The following SCN3A variants were observed in gnomAD, a reference collection of about 807,000 sequenced individuals.
SCN3A encodes the protein sodium channel protein type 3 subunit alpha.
A neutral mutation model predicts 187.6 loss-of-function variants in SCN3A; 60 were observed. That is an observed-to-expected ratio of 0.32 (90% CI 0.26 to 0.40). The LOEUF is 0.40. Among genes scored for constraint, SCN3A ranks in the 10% least tolerant of loss-of-function variants. The pLI is 1.00. For synonymous variants in SCN3A, 788 were observed against 829.2 expected, an observed-to-expected ratio of 0.95 and a Z score of 0.85; for missense variants, 1,601 against 2,428.2, an observed-to-expected ratio of 0.66 and a Z score of 7.16.
intron 21 of SCN3A, among the ~76,000 whole-genome samples, chr2:165,106,451 T>C (rs1685864121): frequency 6.6e-6 from 1 of 152,192 alleles, no homozygotes; most frequent in Non-Finnish European, 1.5e-5. Context: ...CATAATTACT[T>C]CTGTTTATGA....
intron 18 of SCN3A, among the ~76,000 whole-genome samples, chr2:165,126,445 TTC>T (rs760623911): frequency 4.0e-5 from 6 of 151,402 alleles, no homozygotes; most frequent in Non-Finnish European, 8.9e-5. Context: ...CTTCCTTTCT[TTC>T]TCTTTTTCTT....
rs1014446053 is a variant in SCN3A at position 165,178,427 on chromosome 2, G to T, written c.-50-1983C>A. ...TCTTTGTAGAGATGAGGTTTCAGTC[G>T]CCATTTTGCCCAGGCTGATCTCAAA... On this transcript the variant is annotated intron_variant, in intron 2 of 27. Transcript: ENST00000283254. Among the ~76,000 whole-genome samples the T allele has an allele frequency of 3.9e-5, 6 of 151,952 alleles. No homozygotes were observed. The East Asian group carries it at 9.7e-4, about 25-fold the overall frequency.
chr2:165,115,799 A>G (rs755855544), intron 18 of SCN3A, among the ~76,000 whole-genome samples: 5 of 152,158 alleles, frequency 3.3e-5, no homozygotes, highest in Admixed American at 6.5e-5. Context: ...ACAACATTCA[A>G]TGTGGGTGGT....
intron 3 of SCN3A, among the ~76,000 whole-genome samples, chr2:165,173,403 C>T (rs1690242728): frequency 6.6e-6 from 1 of 152,092 alleles, no homozygotes. Flanking sequence ...CTTCACTTCC[C>T]CATTTACAAA....
At chr2:165,159,027 TC>T (rs1689213041) in intron 9 of SCN3A, among the ~76,000 whole-genome samples, 1 of 138,098 alleles carries the variant, frequency 7.2e-6, no homozygotes, top group South Asian at 2.3e-4. Context: ...CAAACTGTCT[TC>T]CAAGGCGGTT....
chr2:165,098,228 C>T (rs1017863650), intron 22 of SCN3A, among the ~76,000 whole-genome samples: 3 of 152,174 alleles, frequency 2.0e-5, no homozygotes, highest in African/African-American at 7.2e-5. Flanking sequence ...AAAATTCATT[C>T]ACTTCTCATT....
chr2:165,116,436 G>C (rs1686371071), intron 18 of SCN3A, among the ~76,000 whole-genome samples: 1 of 152,156 alleles, frequency 6.6e-6, no homozygotes, highest in South Asian at 2.1e-4. Context: ...TGGGAAGACA[G>C]GATTGTGCAA....
At chr2:165,162,182 G>C (rs1039070798) in intron 9 of SCN3A, 126 bp downstream of exon 9, 5 of 836,516 alleles carry the variant, frequency 6.0e-6, no homozygotes, top group Non-Finnish European at 9.6e-6. Flanking sequence ...CACTTCCTAG[G>C]GGAGCAGCAC....
In SCN3A at chr2:165,102,112, T is replaced by C. The variant is rs1432617961; in HGVS notation, c.3844-1688A>G. On this transcript the variant is annotated intron_variant, in intron 21 of 27. Coordinates refer to ENST00000283254, the MANE Select transcript of SCN3A (RefSeq NM_006922.4). ...TGTTTCTAGAGTTACTATCTGAAGATTTTTCTCAACCTCCCAACAAAATCC... is the reference window on the plus strand; with the variant it reads ...TGTTTCTAGAGTTACTATCTGAAGACTTTTCTCAACCTCCCAACAAAATCC... 2.0e-5 allele frequency among the ~76,000 whole-genome samples: 3 copies of C among 152,348 alleles called. No homozygotes were observed. The East Asian group carries it at 5.8e-4, about 29-fold the overall frequency.
intron 16 of SCN3A, 111 bp from the exon 17 acceptor site, chr2:165,130,407 A>G: frequency 9.1e-7 from 1 of 1,099,510 alleles, no homozygotes; most frequent in Non-Finnish European, 1.4e-6. Context: ...AAAAACTCAA[A>G]ATATACTGAA....
In SCN3A at chr2:165,092,583, G is replaced by C. The variant is rs13392587; in HGVS notation, c.4537-59C>G. ...TATATATTTCATAAAGAATAATGCA[G>C]TAAAATTGTAGATAAAGCCCTTCCA... On this transcript the variant is annotated intron_variant, in intron 26 of 27. Transcript: ENST00000283254. This position sits in a 1 kb window ranked among gnomAD's most constrained non-coding sequence, Gnocchi z 4.2. 895 of 1,514,266 alleles carry C rather than the reference G, an allele frequency of 5.9e-4. 7 individuals carry two copies. In the African/African-American group the frequency reaches 0.011, roughly 19 times the overall value. 93.8% of individuals were successfully genotyped at this position (1,514,266 alleles called of 1,614,324 possible).
In SCN3A at chr2:165,090,451, T is replaced by A; in HGVS notation, c.5702A>T (p.Glu1901Val). The A allele has an allele frequency of 1.2e-6, 2 of 1,613,994 alleles. No homozygotes were observed. The highest frequency in any genetic ancestry group is 1.7e-6 in the Non-Finnish European group (2 of 1,179,930). ...ITTTLKRKQE[E>V]VSAAIIQRNF... is the part of the protein sequence containing the mutation. Reference sequence around the variant, plus strand: ...ACGCTGAATGATAGCGGCAGACACCTCCTCTTGTTTACGTTTCAAAGTGGT... The same window carrying A: ...ACGCTGAATGATAGCGGCAGACACCACCTCTTGTTTACGTTTCAAAGTGGT... The change falls in exon 28 of 28, where the codon GAG (glutamate) becomes GTG (valine). Residue 1901 changes from glutamate (E) to valine (V), a missense_variant. By Grantham distance (121) the Glu-to-Val change is moderately radical. Coordinates refer to ENST00000283254, the MANE Select transcript of SCN3A (RefSeq NM_006922.4). The surrounding 1 kb of genome is among the most constrained non-coding windows in gnomAD (Gnocchi z 4.0).
At chr2:165,098,348 A>G (rs181297549) in intron 22 of SCN3A, among the ~76,000 whole-genome samples, 30 of 152,386 alleles carry the variant, frequency 2.0e-4, no homozygotes, top group Middle Eastern at 6.8e-3. Context: ...TTTATGTTAA[A>G]TAAAAGTATT....
At chr2:165,150,668 G>C (rs1688638992) in intron 11 of SCN3A, among the ~76,000 whole-genome samples, 2 of 152,144 alleles carry the variant, frequency 1.3e-5, no homozygotes, top group South Asian at 4.2e-4. Flanking sequence ...ACTTCTACTA[G>C]AAATAGTGCA....
rs1380996113 is a variant in SCN3A at position 165,186,619 on chromosome 2, T to G, written c.-119A>C. The G allele has an allele frequency of 6.6e-6, 1 of 152,200 alleles. No homozygotes were observed. Among genetic ancestry groups the G allele is most frequent in the African/African-American group, 2.4e-5 (1 of 41,452 alleles). The allele number at this position is 152,200 out of a possible 1,614,324, so 9.4% of individuals were successfully genotyped here. ...CTTCTGTGAATTATCTCATTTATTC[T>G]TACAATATCCCTAGAAGAGATTCTT... On this transcript the variant is annotated 5_prime_UTR_variant, in exon 2 of 28. It removes the in-frame stop codon of an upstream open reading frame in the 5' UTR. Coordinates refer to ENST00000283254, the MANE Select transcript of SCN3A (RefSeq NM_006922.4).
rs1688331388 is a variant in SCN3A, at chr2:165,146,404, GT to G, written c.1671+334del. ...TATATGTGTGTGTGTGTGTGTGTGT[GT>G]GTGTGTGTGTGTGTATAGACACATA... On this transcript the variant is annotated intron_variant, in intron 12 of 27. Transcript: ENST00000283254. Among the ~76,000 whole-genome samples, 3 of 145,398 alleles carry G rather than the reference GT, an allele frequency of 2.1e-5. No homozygotes were observed. In the Admixed American group the frequency reaches 2.1e-4, roughly 10 times the overall value.
intron 1 of SCN3A, among the ~76,000 whole-genome samples, chr2:165,198,675 A>G (rs1416261157): frequency 1.3e-5 from 2 of 152,060 alleles, no homozygotes; most frequent in African/African-American, 2.4e-5. Context: ...CTCAGGCCCA[A>G]CATGAATGGC....
intron 5 of SCN3A, among the ~76,000 whole-genome samples, chr2:165,168,191 C>T (rs1274403641): frequency 2.0e-5 from 3 of 152,044 alleles, no homozygotes; most frequent in African/African-American, 7.2e-5. Context: ...ATTTTATGAA[C>T]ACAGTTTTAT....
chr2:165,102,298 G>A (rs1685644078), intron 21 of SCN3A, among the ~76,000 whole-genome samples: 1 of 152,178 alleles, frequency 6.6e-6, no homozygotes, highest in Non-Finnish European at 1.5e-5. Context: ...ATCACTTAAG[G>A]CCATGAGTTC....
Sources: gnomAD v4.1 joint callset for allele counts (sites outside exome capture counted in the v4.1 genomes callset) on GRCh38, gnomAD v4.1.1 for gene constraint, Gnocchi (gnomAD v3.1) non-coding constraint, MANE v1.5 for transcripts, NCBI Gene and HGNC (gene_info 2026-07-23, HGNC 2026-07-21) for gene names.